TENM2: variants seen among roughly 807,000 people sequenced by gnomAD.
TENM2 encodes teneurin-2.
Under a neutral mutation model 245.2 loss-of-function variants are expected in TENM2, and 52 were observed. The ratio of observed to expected loss-of-function variants is 0.21; its 90% CI spans 0.17 to 0.27. The LOEUF (loss-of-function observed/expected upper bound fraction) is 0.27. Ranked by LOEUF, TENM2 falls within the 10% of genes least tolerant of loss-of-function variation. The pLI, the probability that TENM2 is intolerant of heterozygous loss-of-function variation, is 1.00. For synonymous variants in TENM2, 1,363 were observed against 1,438.9 expected, an observed-to-expected ratio of 0.95 and a Z score of 1.19; for missense variants, 3,046 against 3,666.8, an observed-to-expected ratio of 0.83 and a Z score of 4.37.
chr5:167,760,589 G>T (rs1435464362), intron 2 of TENM2, among the ~76,000 whole-genome samples: 1 of 152,166 alleles, frequency 6.6e-6, no homozygotes. Context: ...GTTTGATTTA[G>T]GTGGACTTGT....
intron 2 of TENM2, among the ~76,000 whole-genome samples, chr5:167,542,286 T>C (rs561182538): frequency 6.6e-6 from 1 of 152,278 alleles, no homozygotes; most frequent in South Asian, 2.1e-4. Context: ...AGAAGGATGG[T>C]TTAACACATA....
chr5:167,108,535 G>A, the TENM2 span, among the ~76,000 whole-genome samples: 1 of 152,194 alleles, frequency 6.6e-6, no homozygotes. Context: ...TTTTAATCCA[G>A]TAACATTATA....
chr5:167,247,930 A>G, the TENM2 span, among the ~76,000 whole-genome samples: 2 of 152,188 alleles, frequency 1.3e-5, no homozygotes, highest in Admixed American at 1.3e-4. Flanking sequence ...AGATGTACCA[A>G]GCATCAGTGT....
chr5:167,993,038 C>T, exon 5 of TENM2: 1 of 1,614,016 alleles, frequency 6.2e-7, no homozygotes, highest in Non-Finnish European at 8.5e-7. Context: ...TTACACGCCC[C>T]CGCCCCGCCT....
At chr5:168,090,589 C>A (rs754385249) in exon 8 of TENM2, 11 of 1,612,604 alleles carry the variant, frequency 6.8e-6, no homozygotes, top group Non-Finnish European at 6.8e-6. Context: ...CTTCATGGAA[C>A]GTCTGGACGG....
the TENM2 span, among the ~76,000 whole-genome samples, chr5:167,100,166 T>C: frequency 6.6e-6 from 1 of 152,332 alleles, no homozygotes; most frequent in African/African-American, 2.4e-5. Flanking sequence ...GTTCTCACAC[T>C]GCGTTTTTGG....
At chr5:167,106,348 A>C in the TENM2 span, among the ~76,000 whole-genome samples, 10 of 152,356 alleles carry the variant, frequency 6.6e-5, no homozygotes, top group East Asian at 1.9e-3. Context: ...TCTAGGGGGC[A>C]GATGACATTT....
chr5:167,757,069 A>T (rs1762355970), intron 2 of TENM2, among the ~76,000 whole-genome samples: 1 of 148,802 alleles, frequency 6.7e-6, no homozygotes, highest in South Asian at 2.1e-4. Flanking sequence ...ATTTTATATT[A>T]TATTTTTTAT....
At chr5:167,387,072 C>A (rs1309570508) in intron 2 of TENM2, among the ~76,000 whole-genome samples, 1 of 152,042 alleles carries the variant, frequency 6.6e-6, no homozygotes, top group Non-Finnish European at 1.5e-5. Flanking sequence ...ATGGGAATTG[C>A]ATTGAATTTG....
chr5:167,910,850 T>C (rs1776488474), intron 3 of TENM2, among the ~76,000 whole-genome samples: 2 of 152,186 alleles, frequency 1.3e-5, no homozygotes, highest in Non-Finnish European at 2.9e-5. Flanking sequence ...AGTAAATCCA[T>C]GGCAGCACAG....
intron 2 of TENM2, among the ~76,000 whole-genome samples, chr5:167,824,917 C>T (rs1269549584): frequency 6.6e-6 from 1 of 152,192 alleles, no homozygotes; most frequent in Non-Finnish European, 1.5e-5. Flanking sequence ...CAGTTTGCAA[C>T]CTCTGCAAAT....
At chr5:167,837,658 GCA>G (rs1304599522) in intron 2 of TENM2, among the ~76,000 whole-genome samples, 1 of 152,110 alleles carries the variant, frequency 6.6e-6, no homozygotes, top group Non-Finnish European at 1.5e-5. Flanking sequence ...ATTCTTATTT[GCA>G]CAGTTAAAAC....
chr5:167,031,179 CT>C, the TENM2 span, among the ~76,000 whole-genome samples: 1 of 152,200 alleles, frequency 6.6e-6, no homozygotes, highest in Non-Finnish European at 1.5e-5. Flanking sequence ...AAGGCTCATT[CT>C]ACAAAATAGT....
intron 2 of TENM2, among the ~76,000 whole-genome samples, chr5:167,677,023 A>G (rs1336871515): frequency 2.0e-5 from 3 of 152,132 alleles, no homozygotes; most frequent in Non-Finnish European, 4.4e-5. Context: ...CAAGGTGGTC[A>G]GTGGCCTTTC....
chr5:167,741,503 G>A (rs1212674689), intron 2 of TENM2, among the ~76,000 whole-genome samples: 4 of 152,142 alleles, frequency 2.6e-5, no homozygotes, highest in Admixed American at 2.6e-4. Context: ...GGCAATGTCT[G>A]CAGCAAGTCT....
chr5:167,988,094 T>C (rs1244061920), intron 4 of TENM2, among the ~76,000 whole-genome samples: 1 of 152,164 alleles, frequency 6.6e-6, no homozygotes, highest in Non-Finnish European at 1.5e-5. Flanking sequence ...GTTTTTTCTG[T>C]GGAGGGATCT....
intron 4 of TENM2, among the ~76,000 whole-genome samples, chr5:167,972,068 G>T (rs907556689): frequency 3.9e-5 from 6 of 152,204 alleles, no homozygotes; most frequent in African/African-American, 1.4e-4. Flanking sequence ...GAAAGGTCAT[G>T]AATTTAAGGC....
At chr5:167,988,428 C>T (rs1580978470) in intron 4 of TENM2, among the ~76,000 whole-genome samples, 1 of 152,098 alleles carries the variant, frequency 6.6e-6, no homozygotes, top group East Asian at 1.9e-4. Flanking sequence ...TGCAAATATA[C>T]ATATGCATTT....
intron 5 of TENM2, among the ~76,000 whole-genome samples, chr5:168,003,699 A>G (rs956098092): frequency 6.6e-6 from 1 of 152,204 alleles, no homozygotes; most frequent in African/African-American, 2.4e-5. Flanking sequence ...ATCTTACATC[A>G]TTAAACTTTT....
Sources: allele counts gnomAD v4.1 joint callset (sites outside exome capture counted in the v4.1 genomes callset), GRCh38; gene constraint gnomAD v4.1.1; transcripts MANE v1.5; gene names NCBI Gene and HGNC (gene_info 2026-07-23, HGNC 2026-07-21).